CNPY1: variants seen among roughly 807,000 people sequenced by gnomAD.
The protein encoded by CNPY1 is canopy FGF signaling regulator 1.
A neutral mutation model predicts 14.4 loss-of-function variants in CNPY1; 14 were observed. The observed-to-expected ratio is 0.97, with a 90% confidence interval of 0.64 to 1.52. CNPY1 has a LOEUF of 1.52. CNPY1 is among the 40% of genes most tolerant of loss of function. CNPY1 has a pLI of 0.00. For synonymous variants in CNPY1, 43 were observed against 46.5 expected (o/e 0.92, Z 0.31); for missense variants, 129 against 131.5 (o/e 0.98, Z 0.09).
intron 4 of CNPY1, among the ~76,000 whole-genome samples, chr7:155,504,924 T>C (rs1796249658): frequency 6.6e-6 from 1 of 152,242 alleles, no homozygotes; most frequent in South Asian, 2.1e-4. Context: ...ATCTCACCCT[T>C]CAGTTGTCTG....
chr7:155,506,870 C>T (rs1387592956), intron 4 of CNPY1, 150 bp downstream of exon 4: 4 of 653,508 alleles, frequency 6.1e-6, no homozygotes, highest in East Asian at 2.8e-5. Flanking sequence ...CACATGCTGT[C>T]GTTTCTGATT....
At chr7:155,506,879 T>C in intron 4 of CNPY1, 141 bp downstream of exon 4, 1 of 655,496 alleles carries the variant, frequency 1.5e-6, no homozygotes, top group Non-Finnish European at 2.7e-6. Context: ...TCGTTTCTGA[T>C]TCAGCGGAGA....
chr7:155,542,028 A>G (rs911902996), intron 2 of CNPY1, among the ~76,000 whole-genome samples: 2 of 142,974 alleles, frequency 1.4e-5, no homozygotes, highest in African/African-American at 5.1e-5. Flanking sequence ...GCCGGCTGCC[A>G]TGACAGGGGC....
intron 2 of CNPY1, among the ~76,000 whole-genome samples, chr7:155,528,594 T>C (rs1302685343): frequency 6.6e-6 from 1 of 152,316 alleles, no homozygotes; most frequent in African/African-American, 2.4e-5. Context: ...TGTCCCCGCA[T>C]AGGCAGGACA....
chr7:155,538,266 A>C (rs1797045608), intron 2 of CNPY1, among the ~76,000 whole-genome samples: 1 of 152,172 alleles, frequency 6.6e-6, no homozygotes, highest in African/African-American at 2.4e-5. Context: ...CCTGGTTGCT[A>C]AGTGTGGCCT....
chr7:155,515,925 C>G (rs1796613595), intron 2 of CNPY1, among the ~76,000 whole-genome samples: 1 of 152,078 alleles, frequency 6.6e-6, no homozygotes, highest in Admixed American at 6.5e-5. Context: ...ATCCCTCCCC[C>G]AGACCCCTTA....
chr7:155,503,792 G>A (rs1026130307), intron 4 of CNPY1, among the ~76,000 whole-genome samples: 1 of 152,194 alleles, frequency 6.6e-6, no homozygotes, highest in Non-Finnish European at 1.5e-5. Context: ...AAGGTTTGAT[G>A]TGGAAGCAGA....
chr7:155,539,733 A>T (rs1483797438), intron 2 of CNPY1, among the ~76,000 whole-genome samples: 1 of 152,248 alleles, frequency 6.6e-6, no homozygotes, highest in Non-Finnish European at 1.5e-5. Context: ...CATGGGAGCC[A>T]TATGAAATAT....
intron 4 of CNPY1, 148 bp from the exon 5 acceptor site, chr7:155,503,253 A>C: frequency 1.4e-6 from 1 of 703,768 alleles, no homozygotes. Context: ...TTATTATAGA[A>C]ATTACCCAAA....
intron 2 of CNPY1, chr7:155,533,763 C>G (rs185787006): frequency 2.1e-3 from 319 of 152,338 alleles, no homozygotes; most frequent in African/African-American, 7.3e-3. Context: ...TAATTACCTG[C>G]TCCCTGTAGT....
rs776231594 is a variant in CNPY1, at chr7:155,501,236, C to A, written c.*1832G>T. 6.6e-6 allele frequency: 1 copy of A among 152,222 alleles called. No individual in the cohort carries two copies. Among genetic ancestry groups the A allele is most frequent in the Non-Finnish European group, 1.5e-5 (1 of 68,038 alleles). 9.4% of individuals were successfully genotyped at this position (152,222 alleles called of 1,614,324 possible). On this transcript the variant is annotated 3_prime_UTR_variant, in exon 5 of 5. Coordinates refer to ENST00000636446, the MANE Select transcript of CNPY1 (RefSeq NM_001393663.1). Reference sequence around the variant, plus strand: ...ACTGTAAGTCAAGGTTCCTCGCCCTCTCCATTCAAAGCAAAGCATCACTGT... The same window carrying A: ...ACTGTAAGTCAAGGTTCCTCGCCCTATCCATTCAAAGCAAAGCATCACTGT...
intron 2 of CNPY1, among the ~76,000 whole-genome samples, chr7:155,519,021 A>C (rs1035992501): frequency 6.6e-6 from 1 of 152,178 alleles, no homozygotes; most frequent in Non-Finnish European, 1.5e-5. Context: ...TGGCTGCAAA[A>C]TTTTTTGTCT....
chr7:155,533,091 T>TATTG (rs764846143), intron 2 of CNPY1, among the ~76,000 whole-genome samples: 2 of 152,228 alleles, frequency 1.3e-5, no homozygotes, highest in African/African-American at 2.4e-5. Flanking sequence ...GAGGATCTTC[T>TATTG]ATTGCAGTTA....
chr7:155,513,045 G>C (rs535675929), intron 2 of CNPY1, among the ~76,000 whole-genome samples: 4 of 152,174 alleles, frequency 2.6e-5, no homozygotes, highest in African/African-American at 9.7e-5. Flanking sequence ...GGCTACAACA[G>C]GGGAAGCATG....
At chr7:155,546,192 C>CT (rs5888630) in intron 1 of CNPY1, among the ~76,000 whole-genome samples, 17,777 of 146,640 alleles carry the variant, frequency 0.12, 1,474 homozygotes, top group East Asian at 0.39. Flanking sequence ...TTAAAATGTG[C>CT]TTTTTTTTTT....
chr7:155,541,847 T>G (rs1270525231), intron 2 of CNPY1, among the ~76,000 whole-genome samples: 1 of 152,202 alleles, frequency 6.6e-6, no homozygotes, highest in Admixed American at 6.5e-5. Context: ...TAAGCAGCCC[T>G]GGTACTCAGA....
chr7:155,529,065 A>AC (rs975833740), intron 2 of CNPY1, among the ~76,000 whole-genome samples: 1 of 151,260 alleles, frequency 6.6e-6, no homozygotes, highest in Non-Finnish European at 1.5e-5. Flanking sequence ...CATATCAAAA[A>AC]AAAAAAGAAA....
intron 2 of CNPY1, among the ~76,000 whole-genome samples, chr7:155,528,977 C>G (rs758932577): frequency 6.6e-6 from 1 of 151,658 alleles, no homozygotes; most frequent in Non-Finnish European, 1.5e-5. Flanking sequence ...AGGAGAATGG[C>G]GTGAACCCAG....
chr7:155,522,939 C>G (rs1339854505), intron 2 of CNPY1, among the ~76,000 whole-genome samples: 1 of 152,184 alleles, frequency 6.6e-6, no homozygotes, highest in Non-Finnish European at 1.5e-5. Flanking sequence ...ATCCAGCCTC[C>G]CTGTATGGGA....
Sources: gnomAD v4.1 joint callset for allele counts (sites outside exome capture counted in the v4.1 genomes callset) on GRCh38, gnomAD v4.1.1 for gene constraint, MANE v1.5 for transcripts, NCBI Gene and HGNC (gene_info 2026-07-23, HGNC 2026-07-21) for gene names.